The following DCUN1D2 variants were observed in gnomAD, a reference collection of about 807,000 sequenced individuals.
DCUN1D2 encodes the protein defective in cullin neddylation 1 domain containing 2.
DCUN1D2 carries 29 observed loss-of-function variants against 30.9 expected under a neutral mutation model. The observed-to-expected ratio is 0.94, with a 90% CI of 0.70 to 1.28. The LOEUF (loss-of-function observed/expected upper bound fraction) is 1.28. Ranked by LOEUF, DCUN1D2 falls within the 50% of genes most tolerant of loss-of-function variation. The pLI, the probability that DCUN1D2 is intolerant of heterozygous loss-of-function variation, is 0.00. For missense variants in DCUN1D2, 325 were observed against 316.9 expected (o/e 1.03, Z -0.19); for synonymous variants, 121 against 115.3 (o/e 1.05, Z -0.32).
At chr13:113,489,750 C>G (rs1056155339) in intron 1 of DCUN1D2, among the ~76,000 whole-genome samples, 1 of 152,090 alleles carries the variant, frequency 6.6e-6, no homozygotes, top group Non-Finnish European at 1.5e-5. Context: ...CGGCTGGCTG[C>G]CCCGGAACCT....
In DCUN1D2 at chr13:113,480,585, T is replaced by G. The variant is rs1184862875; in HGVS notation, c.379A>C (p.Thr127Pro). 3 of 1,614,004 alleles carry G rather than the reference T, an allele frequency of 1.9e-6. No homozygotes were observed. Among genetic ancestry groups the G allele is most frequent in the Non-Finnish European group, 2.5e-6 (3 of 1,180,008 alleles). Residue 127 changes from threonine to proline, a missense_variant, in exon 3 of 7, where the codon ACA becomes CCA. Coordinates refer to ENST00000478244, the MANE Select transcript of DCUN1D2 (RefSeq NM_001014283.2). ...GAATAGTTGACTTACCCAAGTTCTG[T>G]CATGCCATCTAGAAATTCCTTTCTG... is the stretch of plus-strand genomic sequence containing the variant. ...FSRKEFLDGM[T>P]ELGCDSMEKL...
At chr13:113,460,939 T>G in intron 5 of DCUN1D2, 115 bp downstream of exon 5, 1 of 635,028 alleles carries the variant, frequency 1.6e-6, no homozygotes, top group Non-Finnish European at 2.7e-6. Context: ...GTGTGGGATG[T>G]TCATCTGCTG....
intron 4 of DCUN1D2, among the ~76,000 whole-genome samples, chr13:113,470,608 C>T (rs1274753397): frequency 6.8e-6 from 1 of 147,252 alleles, no homozygotes; most frequent in Non-Finnish European, 1.5e-5. Context: ...GACCCAACTC[C>T]ACAAGGGACC....
intron 4 of DCUN1D2, among the ~76,000 whole-genome samples, chr13:113,466,554 A>C (rs1207841030): frequency 6.6e-6 from 1 of 152,182 alleles, no homozygotes; most frequent in African/African-American, 2.4e-5. Context: ...TTTAGAATAA[A>C]CATTTACTGC....
intron 6 of DCUN1D2, 48 bp from the exon 7 acceptor site, chr13:113,458,156 T>A (rs771741613): frequency 2.0e-6 from 3 of 1,491,268 alleles, no homozygotes; most frequent in South Asian, 1.1e-5. Context: ...ACCGTTTTTA[T>A]CTCCAAAGCA....
At chr13:113,475,293 G>C (rs2044596264) in intron 3 of DCUN1D2, 1 of 152,222 alleles carries the variant, frequency 6.6e-6, no homozygotes, top group South Asian at 2.1e-4. Flanking sequence ...GCAACGTCTA[G>C]CACAACGCAT....
intron 6 of DCUN1D2, among the ~76,000 whole-genome samples, 153 bp from the exon 7 acceptor site, chr13:113,458,261 T>TACCC (rs2044258646): frequency 6.6e-6 from 1 of 152,218 alleles, no homozygotes; most frequent in Non-Finnish European, 1.5e-5. Context: ...CAGCCCAAGT[T>TACCC]ACCCAGTTCT....
At chr13:113,489,230 A>T (rs1482007593) in intron 1 of DCUN1D2, 1 of 785,868 alleles carries the variant, frequency 1.3e-6, no homozygotes, top group East Asian at 1.3e-4. Flanking sequence ...CCTCGGCAGC[A>T]GTGGAACGCT....
chr13:113,458,164 G>T, intron 6 of DCUN1D2, 56 bp from the exon 7 acceptor site: 1 of 1,403,160 alleles, frequency 7.1e-7, no homozygotes, highest in Non-Finnish European at 1.0e-6. Flanking sequence ...TATCTCCAAA[G>T]CACTGAGTCA....
intron 3 of DCUN1D2, 42 bp downstream of exon 3, chr13:113,480,533 T>G: frequency 6.2e-7 from 1 of 1,606,190 alleles, no homozygotes; most frequent in Non-Finnish European, 8.5e-7. Flanking sequence ...TTAGAAGTAT[T>G]TTCATTTCTG....
chr13:113,485,298 A>G (rs936050479), intron 1 of DCUN1D2, among the ~76,000 whole-genome samples: 1 of 152,238 alleles, frequency 6.6e-6, no homozygotes, highest in Non-Finnish European at 1.5e-5. Flanking sequence ...GACAACTTAT[A>G]AAAACACATG....
Position 113,490,175 on chromosome 13 carries a change from C to A in DCUN1D2, c.3+492G>T, listed in dbSNP as rs1226587837. Among the ~76,000 whole-genome samples the A allele has an allele frequency of 6.6e-6, 1 of 152,240 alleles. No homozygotes were observed. The highest frequency in any genetic ancestry group is 2.4e-5 in the African/African-American group (1 of 41,458). ...TCCCGGCTAGAGCCCGCGCTAGGGC[C>A]CCGCTGTGCCTCTCCCTCCCCTCCC... On this transcript the variant is annotated intron_variant, in intron 1 of 6. Coordinates refer to ENST00000478244, the MANE Select transcript of DCUN1D2 (RefSeq NM_001014283.2). The surrounding 1 kb of genome is among the most constrained non-coding windows in gnomAD (Gnocchi z 5.2).
At chr13:113,472,162 G>A (rs1159465318) in intron 4 of DCUN1D2, among the ~76,000 whole-genome samples, 9 of 151,976 alleles carry the variant, frequency 5.9e-5, no homozygotes, top group Admixed American at 1.3e-4. Flanking sequence ...ATATTCTAAC[G>A]CTATCCTCAC....
In DCUN1D2 at chr13:113,461,220, A is replaced by G; in HGVS notation, c.521-84T>C. The G allele has an allele frequency of 4.9e-6, 4 of 813,770 alleles. No homozygotes were observed. In the South Asian group the frequency reaches 5.0e-5, roughly 10 times the overall value. The allele number at this position is 813,770 out of a possible 1,614,324, so 50.4% of individuals were successfully genotyped here. ...AAAACGACCACTTCTTAGCATGTCA[A>G]TATTTACTTAATAAAATGTGGCAAT... On this transcript the variant is annotated intron_variant, in intron 4 of 6. Transcript: ENST00000478244.
chr13:113,485,949 A>G (rs1202167124), intron 1 of DCUN1D2, among the ~76,000 whole-genome samples: 1 of 152,220 alleles, frequency 6.6e-6, no homozygotes, highest in Non-Finnish European at 1.5e-5. Flanking sequence ...CCTATCTTTT[A>G]TCAAGCCAGA....
In DCUN1D2 at chr13:113,490,520, C is replaced by T. The variant is rs936768302; in HGVS notation, c.3+147G>A. On this transcript the variant is annotated intron_variant, in intron 1 of 6. Transcript: ENST00000478244. The surrounding 1 kb of genome is among the most constrained non-coding windows in gnomAD (Gnocchi z 5.2). Reference sequence around the variant, plus strand: ...GCCACCGCTCCGGCTCGCGGGCCCGCGGCGCGTTCCTCCCTCGGATCCACG... The same window carrying T: ...GCCACCGCTCCGGCTCGCGGGCCCGTGGCGCGTTCCTCCCTCGGATCCACG... The T allele has an allele frequency of 1.1e-6, 1 of 875,904 alleles. No homozygotes were observed. The highest frequency in any genetic ancestry group is 1.5e-6 in the Non-Finnish European group (1 of 663,676). The allele number at this position is 875,904 out of a possible 1,614,324, so 54.3% of individuals were successfully genotyped here.
At chr13:113,486,526 T>C (rs1051298832) in intron 1 of DCUN1D2, among the ~76,000 whole-genome samples, 1 of 151,998 alleles carries the variant, frequency 6.6e-6, no homozygotes, top group Non-Finnish European at 1.5e-5. Context: ...AAAAACCACA[T>C]CGAACTCCTG....
At chr13:113,476,510 T>C (rs993580891) in intron 3 of DCUN1D2, among the ~76,000 whole-genome samples, 2 of 152,238 alleles carry the variant, frequency 1.3e-5, no homozygotes, top group African/African-American at 4.8e-5. Flanking sequence ...TTTTTCAATG[T>C]CTTTTTCTTA....
At chr13:113,482,188 A>G (rs952242381) in intron 2 of DCUN1D2, among the ~76,000 whole-genome samples, 6 of 152,218 alleles carry the variant, frequency 3.9e-5, no homozygotes, top group Admixed American at 1.3e-4. Context: ...TATATTTGTC[A>G]ACAGTCTTAG....
Sources: gnomAD v4.1 joint callset for allele counts (sites outside exome capture counted in the v4.1 genomes callset) on GRCh38, gnomAD v4.1.1 for gene constraint, Gnocchi (gnomAD v3.1) non-coding constraint, MANE v1.5 for transcripts, NCBI Gene and HGNC (gene_info 2026-07-23, HGNC 2026-07-21) for gene names.